Variants in PTK7 observed in about 807,000 individuals in gnomAD.
PTK7 encodes inactive tyrosine-protein kinase 7.
A neutral mutation model predicts 116.6 loss-of-function variants in PTK7; 39 were observed. The ratio of observed to expected loss-of-function variants is 0.33; its 90% CI spans 0.26 to 0.44. The LOEUF is 0.44. Ranked by LOEUF, PTK7 falls within the 20% of genes least tolerant of loss-of-function variation. The pLI, the probability that PTK7 is intolerant of heterozygous loss-of-function variation, is 1.00. For synonymous variants in PTK7, 546 were observed against 563.6 expected, an observed-to-expected ratio of 0.97 and a Z score of 0.44; for missense variants, 1,169 against 1,425.6, an observed-to-expected ratio of 0.82 and a Z score of 2.90.
chr6:43,088,790 G>GAT (rs111299192), intron 1 of PTK7, among the ~76,000 whole-genome samples: 8 of 152,208 alleles, frequency 5.3e-5, no homozygotes, highest in African/African-American at 1.9e-4. Flanking sequence ...CCTAAATCCC[G>GAT]ATGGCTTGAG....
chr6:43,082,378 A>G (rs1766428512), intron 1 of PTK7, among the ~76,000 whole-genome samples: 1 of 152,042 alleles, frequency 6.6e-6, no homozygotes, highest in Non-Finnish European at 1.5e-5. Flanking sequence ...GGGTTTCACC[A>G]TGTTGGTCAG....
chr6:43,082,819 A>G (rs1304007338), intron 1 of PTK7, among the ~76,000 whole-genome samples: 1 of 152,218 alleles, frequency 6.6e-6, no homozygotes, highest in African/African-American at 2.4e-5. Flanking sequence ...AGCTTTTCCT[A>G]GAGGAGAATA....
At chr6:43,132,784 C>T (rs1299426762) in intron 7 of PTK7, 97 bp downstream of exon 7, 2 of 1,509,694 alleles carry the variant, frequency 1.3e-6, no homozygotes, top group East Asian at 4.9e-5. Context: ...CTGAGGTCCT[C>T]TCAGTTCTGG....
intron 1 of PTK7, among the ~76,000 whole-genome samples, chr6:43,092,488 A>G (rs1380613010): frequency 6.6e-6 from 1 of 152,204 alleles, no homozygotes; most frequent in Non-Finnish European, 1.5e-5. Flanking sequence ...TATTGTAGGT[A>G]TGTATATATA....
chr6:43,104,360 T>G (rs1261192808), intron 1 of PTK7, among the ~76,000 whole-genome samples: 5 of 152,204 alleles, frequency 3.3e-5, no homozygotes, highest in Non-Finnish European at 7.3e-5. Context: ...GAAAAATTGC[T>G]TTATTTTCTT....
At chr6:43,146,537 C>A in intron 16 of PTK7, 81 bp from the exon 17 acceptor site, 1 of 1,362,714 alleles carries the variant, frequency 7.3e-7, no homozygotes, top group South Asian at 1.2e-5. Flanking sequence ...GGCAGGAATT[C>A]TGCGAGCACC....
At position 43,076,623 on chromosome 6, in the gene PTK7, C is replaced by T. The variant is rs2150362456; in HGVS notation, c.79+56C>T. 1 of 1,516,434 alleles carries T rather than the reference C, an allele frequency of 6.6e-7. No individual in the cohort carries two copies. The highest frequency in any genetic ancestry group is 1.4e-5 in the African/African-American group (1 of 70,386). The allele number at this position is 1,516,434 out of a possible 1,614,324, so 93.9% of individuals were successfully genotyped here. A position where few individuals can be genotyped will look rare whatever the true frequency, so the allele number is the denominator to read the frequency against. On this transcript the variant is annotated intron_variant, in intron 1 of 19. Coordinates refer to ENST00000230419, the MANE Select transcript of PTK7 (RefSeq NM_002821.5). This position sits in a 1 kb window ranked among gnomAD's most constrained non-coding sequence, Gnocchi z 5.7. ...TTGGGAAGCGCGGGAGTCCCGTGGG[C>T]AAAAGGCTGCGCCCGGGGCGGTGGG...
At chr6:43,121,814 AT>A (rs1340828824) in intron 1 of PTK7, among the ~76,000 whole-genome samples, 1 of 152,194 alleles carries the variant, frequency 6.6e-6, no homozygotes, top group Non-Finnish European at 1.5e-5. Flanking sequence ...CAAATGAGTT[AT>A]TCCTGTAGTG....
At chr6:43,118,597 A>G (rs1403377425) in intron 1 of PTK7, among the ~76,000 whole-genome samples, 1 of 143,918 alleles carries the variant, frequency 6.9e-6, no homozygotes, top group East Asian at 2.0e-4. Flanking sequence ...TATTGGACAG[A>G]GCAGGTTTAA....
At chr6:43,092,897 GT>G (rs1306437988) in intron 1 of PTK7, among the ~76,000 whole-genome samples, 1 of 152,142 alleles carries the variant, frequency 6.6e-6, no homozygotes, top group Non-Finnish European at 1.5e-5. Context: ...ATCTGTGATG[GT>G]TATAACTGTA....
At chr6:43,148,202 A>G (rs1471469024) in intron 17 of PTK7, among the ~76,000 whole-genome samples, 1 of 151,204 alleles carries the variant, frequency 6.6e-6, no homozygotes, top group East Asian at 2.0e-4. Context: ...GCGGTGAGCC[A>G]TGATTACACC....
intron 1 of PTK7, among the ~76,000 whole-genome samples, chr6:43,093,747 AC>A (rs2150381180): frequency 6.6e-6 from 1 of 152,226 alleles, no homozygotes; most frequent in Non-Finnish European, 1.5e-5. Flanking sequence ...ATTGGACAAA[AC>A]CCCCAGCAAA....
At position 43,145,145 on chromosome 6, in the gene PTK7, A is replaced by T. The variant is rs1770653895; in HGVS notation, c.2408-55A>T. ...AGAGGCTAGGCCCCTCCCCCAGGTCAGGAGCTGCCTCGGCCTGGGTGAAGG... is the reference window on the plus strand; with the variant it reads ...AGAGGCTAGGCCCCTCCCCCAGGTCTGGAGCTGCCTCGGCCTGGGTGAAGG... On this transcript the variant is annotated intron_variant, in intron 15 of 19. Transcript: ENST00000230419. This position sits in a 1 kb window ranked among gnomAD's most constrained non-coding sequence, Gnocchi z 4.8. 3 of 1,491,510 alleles carry T rather than the reference A, an allele frequency of 2.0e-6. No individual in the cohort carries two copies. 92.4% of individuals were successfully genotyped at this position (1,491,510 alleles called of 1,614,324 possible). A position where few individuals can be genotyped will look rare whatever the true frequency, so the allele number is the denominator to read the frequency against.
intron 1 of PTK7, among the ~76,000 whole-genome samples, chr6:43,109,413 T>A (rs960568907): frequency 6.6e-6 from 1 of 152,094 alleles, no homozygotes; most frequent in Non-Finnish European, 1.5e-5. Flanking sequence ...CCTTGTATGA[T>A]AAGATGGAGT....
rs890740053 is a variant in PTK7, at chr6:43,143,805, A to C, written c.2251+185A>C. Among the ~76,000 whole-genome samples, 2 of 152,150 alleles carry C rather than the reference A, an allele frequency of 1.3e-5. No individual in the cohort carries two copies. The highest frequency in any genetic ancestry group is 2.4e-5 in the African/African-American group (1 of 41,426). ...TTCCCAGGGCCTCGTCTTCTGAGCA[A>C]CCTGGCTTGAGACTTCTTCATTGGA... On this transcript the variant is annotated intron_variant, in intron 14 of 19. Transcript: ENST00000230419. The surrounding 1 kb of genome is among the most constrained non-coding windows in gnomAD (Gnocchi z 4.2).
At chr6:43,098,428 T>C (rs916268850) in intron 1 of PTK7, among the ~76,000 whole-genome samples, 1 of 151,770 alleles carries the variant, frequency 6.6e-6, no homozygotes, top group Non-Finnish European at 1.5e-5. Context: ...CAATTTCAGC[T>C]CACTGCAACC....
At chr6:43,112,667 G>C (rs1246344363) in intron 1 of PTK7, among the ~76,000 whole-genome samples, 3 of 152,100 alleles carry the variant, frequency 2.0e-5, no homozygotes, top group Admixed American at 6.6e-5. Flanking sequence ...GCCCACCTCA[G>C]CCTCCCAAAG....
In PTK7 at chr6:43,130,548, C is replaced by T. The variant is rs114740372; in HGVS notation, c.699C>T (p.Asp233=). 95 of 1,614,036 alleles carry T rather than the reference C, an allele frequency of 5.9e-5. No homozygotes were observed. The highest frequency in any genetic ancestry group is 3.3e-4 in the Middle Eastern group (2 of 6,062). Residue 233 remains aspartate, a synonymous_variant, in exon 5 of 20, where the codon GAC becomes GAT. Coordinates refer to ENST00000230419, the MANE Select transcript of PTK7 (RefSeq NM_002821.5). ...SFARVVLAPQ[D]VVVARYEEAM... is the part of the protein sequence containing the mutation. ...CCAGGGTGGTGCTGGCACCCCAGGA[C>T]GTGGTAGTAGCGAGGTATGAGGAGG...
intron 1 of PTK7, among the ~76,000 whole-genome samples, chr6:43,111,347 T>C (rs1404607769): frequency 6.6e-6 from 1 of 152,176 alleles, no homozygotes; most frequent in African/African-American, 2.4e-5. Flanking sequence ...GCTTCAGACC[T>C]CAGGGTGTCT....
Sources: gnomAD v4.1 joint callset for allele counts (sites outside exome capture counted in the v4.1 genomes callset) on GRCh38, gnomAD v4.1.1 for gene constraint, Gnocchi (gnomAD v3.1) non-coding constraint, MANE v1.5 for transcripts, NCBI Gene and HGNC (gene_info 2026-07-23, HGNC 2026-07-21) for gene names.